TENM3: variants seen among roughly 807,000 people sequenced by gnomAD.
TENM3 encodes the protein teneurin transmembrane protein 3.
Under a neutral mutation model 255.1 loss-of-function variants are expected in TENM3, and 63 were observed. The observed-to-expected ratio is 0.25, with a 90% CI of 0.20 to 0.30. The LOEUF (loss-of-function observed/expected upper bound fraction) is 0.30, where lower values mean the gene tolerates loss of function less well. TENM3 is among the 10% of genes least tolerant of loss of function. TENM3 has a pLI of 1.00. For missense variants in TENM3, 2,929 were observed against 3,461.1 expected, an observed-to-expected ratio of 0.85 and a Z score of 3.86; for synonymous variants, 1,306 against 1,322.3, an observed-to-expected ratio of 0.99 and a Z score of 0.27.
chr4:182,645,976 T>G (rs181718335), intron 5 of TENM3, among the ~76,000 whole-genome samples: 37 of 152,332 alleles, frequency 2.4e-4, no homozygotes, highest in African/African-American at 8.9e-4. Context: ...CTACAGTGGC[T>G]TAACATGATG....
At chr4:181,887,256 T>C in the TENM3 span, among the ~76,000 whole-genome samples, 1 of 151,916 alleles carries the variant, frequency 6.6e-6, no homozygotes, top group Non-Finnish European at 1.5e-5. Flanking sequence ...CTGTGTGATT[T>C]TTTTTTTTTA....
chr4:182,187,461 A>G (rs1240474708), intron 1 of TENM3, among the ~76,000 whole-genome samples: 5 of 152,072 alleles, frequency 3.3e-5, no homozygotes, highest in Admixed American at 6.6e-5. Flanking sequence ...TTTGAAGGGG[A>G]TAGTAAATTC....
At chr4:182,558,180 C>T (rs73872434) in intron 3 of TENM3, among the ~76,000 whole-genome samples, 9,254 of 152,228 alleles carry the variant, frequency 0.061, 301 homozygotes, top group Middle Eastern at 0.1. Context: ...CCCTGCCCTG[C>T]CAGTGCGTGC....
the TENM3 span, among the ~76,000 whole-genome samples, chr4:182,036,903 A>G: frequency 6.6e-6 from 1 of 152,298 alleles, no homozygotes; most frequent in East Asian, 1.9e-4. Flanking sequence ...TGGTTTTGAC[A>G]GTCAACAGAT....
At chr4:182,100,496 C>A in the TENM3 span, among the ~76,000 whole-genome samples, 3 of 132,050 alleles carry the variant, frequency 2.3e-5, no homozygotes, top group Non-Finnish European at 4.8e-5. Flanking sequence ...TATATATATA[C>A]ACACACACAC....
At chr4:182,434,316 C>T (rs932720468) in intron 3 of TENM3, among the ~76,000 whole-genome samples, 1 of 152,074 alleles carries the variant, frequency 6.6e-6, no homozygotes, top group African/African-American at 2.4e-5. Flanking sequence ...AAATATGTAA[C>T]TTGCTCTGCA....
At chr4:182,401,516 A>G (rs1052358135) in intron 3 of TENM3, among the ~76,000 whole-genome samples, 1 of 152,198 alleles carries the variant, frequency 6.6e-6, no homozygotes. Flanking sequence ...TTTGTGCCAG[A>G]TGTGTGGTAT....
chr4:182,191,557 T>G (rs1206495893), intron 1 of TENM3, among the ~76,000 whole-genome samples: 1 of 152,202 alleles, frequency 6.6e-6, no homozygotes, highest in African/African-American at 2.4e-5. Context: ...GTTAGTTTTA[T>G]CTAGAATTTT....
At chr4:181,937,154 T>C in the TENM3 span, among the ~76,000 whole-genome samples, 1 of 152,198 alleles carries the variant, frequency 6.6e-6, no homozygotes, top group Non-Finnish European at 1.5e-5. Flanking sequence ...TGCAAAGCTC[T>C]GACAGTGGAG....
intron 1 of TENM3, among the ~76,000 whole-genome samples, chr4:182,150,821 G>A (rs576627524): frequency 2.6e-5 from 4 of 152,152 alleles, no homozygotes; most frequent in Admixed American, 2.6e-4. Context: ...TTAACAGCTT[G>A]GTAGTGACTG....
chr4:181,679,160 G>A, the TENM3 span, among the ~76,000 whole-genome samples: 13 of 152,170 alleles, frequency 8.5e-5, no homozygotes, highest in East Asian at 2.3e-3. Flanking sequence ...TCTGCTGAGT[G>A]TTCAAACTGA....
chr4:181,687,690 C>T, the TENM3 span, among the ~76,000 whole-genome samples: 1 of 152,116 alleles, frequency 6.6e-6, no homozygotes, highest in East Asian at 1.9e-4. Flanking sequence ...TATTTCGTAT[C>T]AGAAATTCCC....
At chr4:181,606,361 T>C in the TENM3 span, among the ~76,000 whole-genome samples, 2 of 152,148 alleles carry the variant, frequency 1.3e-5, no homozygotes, top group East Asian at 1.9e-4. Context: ...TGACCTCCTC[T>C]TGTTCCTTCC....
At chr4:181,920,481 C>G in the TENM3 span, among the ~76,000 whole-genome samples, 4 of 152,152 alleles carry the variant, frequency 2.6e-5, no homozygotes, top group Non-Finnish European at 5.9e-5. Flanking sequence ...TCTCTGATGG[C>G]AAGTGATGGT....
At chr4:182,161,897 GTATATATACACACACATGTATGTGTA>G (rs1751348219) in intron 1 of TENM3, among the ~76,000 whole-genome samples, 1 of 46,326 alleles carries the variant, frequency 2.2e-5, no homozygotes, top group Non-Finnish European at 4.7e-5. Context: ...ACATATATGT[GTATATATACACACACATGTATGTGTA>G]TATATATACA....
chr4:182,274,433 A>G (rs1759856886), intron 1 of TENM3, among the ~76,000 whole-genome samples: 1 of 152,188 alleles, frequency 6.6e-6, no homozygotes. Flanking sequence ...CATGGCAACA[A>G]AAAGATGTCC....
chr4:181,627,812 A>T, the TENM3 span, among the ~76,000 whole-genome samples: 12 of 152,176 alleles, frequency 7.9e-5, no homozygotes, highest in South Asian at 2.1e-4. Flanking sequence ...TGCATGTGCC[A>T]TTATGGCAGC....
At chr4:182,106,744 G>A in the TENM3 span, among the ~76,000 whole-genome samples, 8 of 152,124 alleles carry the variant, frequency 5.3e-5, no homozygotes, top group Admixed American at 1.3e-4. Flanking sequence ...CATAATAAGT[G>A]CTATGTAAGA....
intron 3 of TENM3, among the ~76,000 whole-genome samples, chr4:182,353,919 C>T (rs914538418): frequency 1.3e-5 from 2 of 151,172 alleles, no homozygotes; most frequent in Non-Finnish European, 2.9e-5. Context: ...GAGCCGAGAT[C>T]GTGCCACTGC....
Sources: allele counts gnomAD v4.1 joint callset (sites outside exome capture counted in the v4.1 genomes callset), GRCh38; gene constraint gnomAD v4.1.1; transcripts MANE v1.5; gene names NCBI Gene and HGNC (gene_info 2026-07-23, HGNC 2026-07-21).